Variants in P2RY8 observed in about 807,000 individuals in gnomAD.
P2RY8 encodes the protein S-geranylgeranyl-glutathione receptor P2RY8.
A neutral mutation model predicts 10.0 loss-of-function variants in P2RY8; 6 were observed. The ratio of observed to expected loss-of-function variants is 0.60; its 90% CI spans 0.33 to 1.19. P2RY8 has a LOEUF of 1.19. Ranked by LOEUF, P2RY8 falls within the 50% of genes most tolerant of loss-of-function variation. P2RY8 has a pLI of 0.04. For missense variants in P2RY8, 456 were observed against 542.0 expected, an observed-to-expected ratio of 0.84 and a Z score of 1.58; for synonymous variants, 276 against 252.5, an observed-to-expected ratio of 1.09 and a Z score of -0.88.
chrX:1,536,406 C>T (rs1408174927), intron 1 of P2RY8, among the ~76,000 whole-genome samples: 3 of 152,150 alleles, frequency 2.0e-5, no homozygotes, highest in Middle Eastern at 3.4e-3. Flanking sequence ...GGACCGCAGG[C>T]GCCCACCACC....
chrX:1,532,039 C>T (rs1336972775), intron 1 of P2RY8, among the ~76,000 whole-genome samples: 1 of 151,950 alleles, frequency 6.6e-6, no homozygotes. Flanking sequence ...ACCATTTGAT[C>T]CAGCAATCCC....
chrX:1,477,058 G>A (rs1376121100), intron 1 of P2RY8, among the ~76,000 whole-genome samples: 7 of 152,000 alleles, frequency 4.6e-5, no homozygotes, highest in Admixed American at 2.0e-4. Flanking sequence ...GTGTGGTGGC[G>A]GGTGCCTCTA....
Position 1,471,308 on chromosome X carries a change from C to CTTTTTTTTTTTT in P2RY8, c.-24-4727_-24-4726insAAAAAAAAAAAA, listed in dbSNP as rs1569536548. 5.3e-4 allele frequency among the ~76,000 whole-genome samples: 38 copies of CTTTTTTTTTTTT among 71,116 alleles called. 6 individuals are homozygous for CTTTTTTTTTTTT. The highest frequency in any genetic ancestry group is 1.7e-3 in the East Asian group (3 of 1,750). The allele number at this position is 71,116 out of a possible 152,430, so 46.7% of individuals were successfully genotyped here. On this transcript the variant is annotated intron_variant, in intron 1 of 1. Transcript: ENST00000381297. ...CAGACGTGAGCCACCGCGCCCAGCC[C>CTTTTTTTTTTTT]ATTTTTTTTTTTTTTTTTTTTTTGT...
intron 1 of P2RY8, among the ~76,000 whole-genome samples, chrX:1,483,017 A>G (rs1396145263): frequency 3.9e-5 from 6 of 152,248 alleles, no homozygotes; most frequent in Middle Eastern, 3.4e-3. Flanking sequence ...TGGGTGCAGC[A>G]CACCAACATG....
At chrX:1,535,497 C>T (rs1344208006) in intron 1 of P2RY8, among the ~76,000 whole-genome samples, 1 of 151,752 alleles carries the variant, frequency 6.6e-6, no homozygotes, top group Non-Finnish European at 1.5e-5. Context: ...ACAAAATATG[C>T]TACTATCTGG....
At chrX:1,520,431 T>C (rs1161218494) in intron 1 of P2RY8, among the ~76,000 whole-genome samples, 1 of 150,470 alleles carries the variant, frequency 6.6e-6, no homozygotes, top group East Asian at 2.0e-4. Context: ...TAATAATCTC[T>C]CTGGTCCCCA....
rs1477613816 is a variant in P2RY8, at chrX:1,526,905, C to G, written c.-25+10016G>C. On this transcript the variant is annotated intron_variant, in intron 1 of 1. Coordinates refer to ENST00000381297, the MANE Select transcript of P2RY8 (RefSeq NM_178129.5). The stretch of plus-strand genomic sequence containing the variant: ...TCATTCATTTCTTTTCTTTTCTTTT[C>G]TTTTTGAGACCGAGTTTCACTCCTG... Among the ~76,000 whole-genome samples the G allele has an allele frequency of 1.3e-5, 2 of 151,790 alleles. 1 individual carries two copies. Among genetic ancestry groups the G allele is most frequent in the African/African-American group, 4.8e-5 (2 of 41,350 alleles).
intron 1 of P2RY8, among the ~76,000 whole-genome samples, chrX:1,529,121 T>A (rs1400129696): frequency 2.0e-5 from 3 of 152,178 alleles, no homozygotes; most frequent in African/African-American, 7.2e-5. Context: ...CCCTTGGTCT[T>A]GGAAAGGTGG....
intron 1 of P2RY8, among the ~76,000 whole-genome samples, chrX:1,533,012 A>G (rs1465536193): frequency 9.3e-5 from 14 of 150,298 alleles, no homozygotes; most frequent in Non-Finnish European, 1.8e-4. Context: ...CAAAAAAAAA[A>G]AAAAAAAAAA....
chrX:1,483,433 G>A (rs1374716859), intron 1 of P2RY8, among the ~76,000 whole-genome samples: 3 of 151,988 alleles, frequency 2.0e-5, no homozygotes, highest in Non-Finnish European at 2.9e-5. Context: ...CTGGGAGTTC[G>A]AGACCAGCCT....
intron 1 of P2RY8, among the ~76,000 whole-genome samples, chrX:1,479,522 A>T (rs757680372): frequency 6.6e-6 from 1 of 152,394 alleles, no homozygotes; most frequent in East Asian, 1.9e-4. Flanking sequence ...CAATAATTTA[A>T]GTTTCCACCT....
intron 1 of P2RY8, among the ~76,000 whole-genome samples, chrX:1,476,589 A>G (rs2091876650): frequency 8.4e-6 from 1 of 118,800 alleles, no homozygotes; most frequent in African/African-American, 2.8e-5. Context: ...TCTGCCTCAA[A>G]AAGAAAAAAA....
intron 1 of P2RY8, among the ~76,000 whole-genome samples, chrX:1,474,583 GA>G (rs2091852705): frequency 6.9e-6 from 1 of 144,436 alleles, no homozygotes; most frequent in East Asian, 2.0e-4. Context: ...TGGATGGATG[GA>G]TGGATGGATG....
At chrX:1,507,614 C>T (rs1748281290) in intron 1 of P2RY8, among the ~76,000 whole-genome samples, 1 of 152,078 alleles carries the variant, frequency 6.6e-6, no homozygotes, top group African/African-American at 2.4e-5. Context: ...GTGACGGCAC[C>T]CGGTCACAGC....
chrX:1,507,552 C>T (rs2092246043), intron 1 of P2RY8, among the ~76,000 whole-genome samples: 1 of 152,294 alleles, frequency 6.6e-6, no homozygotes, highest in East Asian at 1.9e-4. Context: ...TGAGTCCCTG[C>T]AGTACTGGCG....
intron 1 of P2RY8, among the ~76,000 whole-genome samples, chrX:1,509,787 T>TCTATCTATCTATCTATCATCTAC (rs2092282749): frequency 1.7e-5 from 1 of 59,290 alleles, no homozygotes; most frequent in South Asian, 5.3e-4. Flanking sequence ...CTATCATCTA[T>TCTATCTATCTATCTATCATCTAC]GTATCCATCC....
At chrX:1,533,712 T>C (rs1367611454) in intron 1 of P2RY8, among the ~76,000 whole-genome samples, 176 of 125,670 alleles carry the variant, frequency 1.4e-3, no homozygotes, top group African/African-American at 5.4e-3. Flanking sequence ...TATACTTATA[T>C]ATTCATTATT....
At chrX:1,533,406 A>C (rs370383796) in intron 1 of P2RY8, among the ~76,000 whole-genome samples, 1 of 145,614 alleles carries the variant, frequency 6.9e-6, no homozygotes, top group East Asian at 2.0e-4. Flanking sequence ...TGTATTTTTT[A>C]TTATTTATAT....
chrX:1,466,659 C>T (rs752215895), intron 1 of P2RY8, 77 bp from the exon 2 acceptor site: 8 of 1,405,970 alleles, frequency 5.7e-6, no homozygotes, highest in Admixed American at 2.2e-5. Flanking sequence ...CTCCTGAGCG[C>T]CGCTCCCCGG....
Sources: gnomAD v4.1 joint callset for allele counts (sites outside exome capture counted in the v4.1 genomes callset) on GRCh38, gnomAD v4.1.1 for gene constraint, MANE v1.5 for transcripts, NCBI Gene and HGNC (gene_info 2026-07-23, HGNC 2026-07-21) for gene names.